Variants in SCHIP1 observed in about 807,000 individuals in gnomAD.
SCHIP1 encodes the protein schwannomin-interacting protein 1.
In SCHIP1, 8 loss-of-function variants were observed where a neutral mutation model predicts 29.7. The ratio of observed to expected loss-of-function variants is 0.27; its 90% CI spans 0.16 to 0.49. The LOEUF (loss-of-function observed/expected upper bound fraction) is 0.49. Among genes scored for constraint, SCHIP1 ranks in the 20% least tolerant of loss-of-function variants. The pLI is 0.99. For synonymous variants in SCHIP1, 76 were observed against 94.9 expected, an observed-to-expected ratio of 0.80 and a Z score of 1.16; for missense variants, 193 against 294.6, an observed-to-expected ratio of 0.66 and a Z score of 2.52.
chr3:159,312,784 A>G, the SCHIP1 span, among the ~76,000 whole-genome samples: 2 of 152,178 alleles, frequency 1.3e-5, no homozygotes, highest in Non-Finnish European at 2.9e-5. Flanking sequence ...CTGCTGACCT[A>G]TGAATTAAAA....
In SCHIP1 at chr3:159,864,812, G is replaced by A. The variant is rs1714447865; in HGVS notation, c.31-1351G>A. ...TTTGCTGTCATGTATTTTATTCTGTGCTGTCTAGTACAGTATCCACTAGCC... is the reference window on the plus strand; with the variant it reads ...TTTGCTGTCATGTATTTTATTCTGTACTGTCTAGTACAGTATCCACTAGCC... On this transcript the variant is annotated intron_variant, in intron 1 of 6. Transcript: ENST00000445224. Among the ~76,000 whole-genome samples the A allele has an allele frequency of 2.6e-5, 4 of 152,122 alleles. No homozygotes were observed. The South Asian group carries it at 8.3e-4, about 32-fold the overall frequency.
the SCHIP1 span, among the ~76,000 whole-genome samples, chr3:159,708,294 G>C: frequency 6.6e-6 from 1 of 152,204 alleles, no homozygotes; most frequent in Non-Finnish European, 1.5e-5. Flanking sequence ...TGAGTCTCCA[G>C]AAATGACTTG....
chr3:159,836,000 C>T (rs1317718858), upstream of SCHIP1, among the ~76,000 whole-genome samples: 1 of 152,036 alleles, frequency 6.6e-6, no homozygotes, highest in African/African-American at 2.4e-5. Flanking sequence ...TAAAACATAC[C>T]TTGAATTGAG....
chr3:159,386,616 G>C, the SCHIP1 span: 2 of 152,304 alleles, frequency 1.3e-5, no homozygotes, highest in Admixed American at 1.3e-4. Flanking sequence ...CAAAGCTGGA[G>C]ACATCATGCT....
At chr3:159,275,883 T>C in the SCHIP1 span, among the ~76,000 whole-genome samples, 11 of 152,188 alleles carry the variant, frequency 7.2e-5, no homozygotes, top group African/African-American at 2.7e-4. Flanking sequence ...GTGAACAATC[T>C]TAAATTTAGT....
chr3:159,413,252 C>G, the SCHIP1 span, among the ~76,000 whole-genome samples: 1,013 of 152,232 alleles, frequency 6.7e-3, 10 homozygotes, highest in South Asian at 0.032. Context: ...TAGAGCCAAA[C>G]CATATTAGGC....
chr3:159,720,585 T>A, the SCHIP1 span, among the ~76,000 whole-genome samples: 2 of 152,106 alleles, frequency 1.3e-5, no homozygotes, highest in Non-Finnish European at 2.9e-5. Flanking sequence ...TTTCTTTTTT[T>A]TTCTTTTTTC....
chr3:159,424,556 T>C, the SCHIP1 span, among the ~76,000 whole-genome samples: 1 of 152,172 alleles, frequency 6.6e-6, no homozygotes, highest in Non-Finnish European at 1.5e-5. Flanking sequence ...AGACCAAATC[T>C]ACATCTAACT....
At chr3:159,793,443 A>G in the SCHIP1 span, among the ~76,000 whole-genome samples, 2 of 152,218 alleles carry the variant, frequency 1.3e-5, no homozygotes, top group Non-Finnish European at 2.9e-5. Flanking sequence ...TTAACAAATT[A>G]CCACAAACTT....
chr3:159,439,134 A>G, the SCHIP1 span, among the ~76,000 whole-genome samples: 251 of 152,284 alleles, frequency 1.6e-3, 1 homozygote, highest in African/African-American at 5.8e-3. Context: ...CTTTTTCTGC[A>G]CAACCTCACC....
intron 2 of SCHIP1, among the ~76,000 whole-genome samples, chr3:159,872,678 T>C (rs887605028): frequency 6.6e-6 from 1 of 152,212 alleles, no homozygotes; most frequent in African/African-American, 2.4e-5. Flanking sequence ...TTGGGATCTC[T>C]CTCAGAATGA....
chr3:159,606,623 C>A, the SCHIP1 span, among the ~76,000 whole-genome samples: 1 of 152,134 alleles, frequency 6.6e-6, no homozygotes, highest in African/African-American at 2.4e-5. Context: ...TGGCAGGACA[C>A]CCATGGTAAA....
At chr3:159,691,416 CTT>C in the SCHIP1 span, among the ~76,000 whole-genome samples, 7,041 of 106,778 alleles carry the variant, frequency 0.066, 253 homozygotes, top group African/African-American at 0.19. Flanking sequence ...GCAACCCCTG[CTT>C]TTTTTTTTTT....
At chr3:159,605,947 A>G in the SCHIP1 span, among the ~76,000 whole-genome samples, 5 of 152,198 alleles carry the variant, frequency 3.3e-5, no homozygotes, top group African/African-American at 1.2e-4. Context: ...ACTCAGATAC[A>G]GGAACTACCT....
At chr3:159,756,498 A>T in the SCHIP1 span, among the ~76,000 whole-genome samples, 1 of 152,120 alleles carries the variant, frequency 6.6e-6, no homozygotes, top group Non-Finnish European at 1.5e-5. Context: ...TTTACCCCCT[A>T]GGCTTGCAGG....
the SCHIP1 span, among the ~76,000 whole-genome samples, chr3:159,663,303 C>G: frequency 6.6e-6 from 1 of 152,092 alleles, no homozygotes; most frequent in African/African-American, 2.4e-5. Context: ...GAGTGTGTAC[C>G]TAAGTGTGCC....
chr3:159,588,255 CATAA>C, the SCHIP1 span, among the ~76,000 whole-genome samples: 5 of 152,186 alleles, frequency 3.3e-5, no homozygotes, highest in Non-Finnish European at 7.3e-5. Context: ...CTGTTGGCTG[CATAA>C]ATGTCTTCTT....
chr3:159,884,349 C>CTGTGTGTGTGTGTGTGTG (rs10661642), intron 2 of SCHIP1, among the ~76,000 whole-genome samples: 1 of 140,546 alleles, frequency 7.1e-6, no homozygotes, highest in African/African-American at 2.7e-5. Flanking sequence ...GTGTCTGTGT[C>CTGTGTGTGTGTGTGTGTG]TGTGTGTGTG....
rs982568984 is a variant in SCHIP1 at position 159,861,465 on chromosome 3, C to T, written c.31-4698C>T. ...TCAGGAAAGGCTGAGCATTGGTGTT[C>T]AGAGTCTGCAAGTGCTCAGTGGTCT... is the stretch of plus-strand genomic sequence containing the variant. On this transcript the variant is annotated intron_variant, in intron 1 of 6. Transcript: ENST00000445224. The surrounding 1 kb of genome is among the most constrained non-coding windows in gnomAD (Gnocchi z 4.1). Among the ~76,000 whole-genome samples, 1 of 152,154 alleles carries T rather than the reference C, an allele frequency of 6.6e-6. No homozygotes were observed.
Sources: gnomAD v4.1 joint callset for allele counts (sites outside exome capture counted in the v4.1 genomes callset) on GRCh38, gnomAD v4.1.1 for gene constraint, Gnocchi (gnomAD v3.1) non-coding constraint, MANE v1.5 for transcripts, NCBI Gene and HGNC (gene_info 2026-07-23, HGNC 2026-07-21) for gene names.